The following TMEM232 variants were observed in gnomAD, a reference collection of about 807,000 sequenced individuals.
TMEM232 encodes the protein transmembrane protein 232.
In TMEM232, 80 loss-of-function variants were observed where a neutral mutation model predicts 78.8. The ratio of observed to expected loss-of-function variants is 1.01; its 90% confidence interval spans 0.85 to 1.22. The LOEUF is 1.22. Among genes scored for constraint, TMEM232 ranks in the 50% most tolerant of loss-of-function variants. TMEM232 has a pLI of 0.00. For synonymous variants in TMEM232, 297 were observed against 254.3 expected (o/e 1.17, Z -1.60); for missense variants, 881 against 742.2 (o/e 1.19, Z -2.17).
At chr5:110,446,057 G>A (rs554224142) in intron 12 of TMEM232, among the ~76,000 whole-genome samples, 1 of 152,300 alleles carries the variant, frequency 6.6e-6, no homozygotes, top group African/African-American at 2.4e-5. Flanking sequence ...CTTAGAGGCT[G>A]CCTTCCATAG....
intron 12 of TMEM232, among the ~76,000 whole-genome samples, chr5:110,525,483 C>A (rs1449227398): frequency 6.6e-6 from 1 of 151,708 alleles, no homozygotes; most frequent in Non-Finnish European, 1.5e-5. Flanking sequence ...TATAAATAAA[C>A]ATAAGAAAAA....
At chr5:110,502,444 C>G (rs941227061) in intron 12 of TMEM232, among the ~76,000 whole-genome samples, 1 of 152,164 alleles carries the variant, frequency 6.6e-6, no homozygotes. Flanking sequence ...TTTTCAAGAC[C>G]AGTTTTAAAT....
chr5:110,679,869 G>T (rs1188448277), intron 1 of TMEM232, among the ~76,000 whole-genome samples: 1 of 151,840 alleles, frequency 6.6e-6, no homozygotes, highest in Non-Finnish European at 1.5e-5. Flanking sequence ...TTTGATTTTT[G>T]GCTGTCTTTT....
At position 110,667,220 on chromosome 5, in the gene TMEM232, T is replaced by C. The variant is rs1042276795; in HGVS notation, c.125+8A>G. The C allele has an allele frequency of 7.2e-6, 11 of 1,537,720 alleles. No individual in the cohort carries two copies. The East Asian group carries it at 2.2e-4, about 31-fold the overall frequency. ...ACATATGGGTCCTATAATTATTTTC[T>C]AGCTTACCTTGATTTATGACCCCTT... On this transcript the variant is annotated splice_region_variant and intron_variant, in intron 2 of 13. Transcript: ENST00000455884.
chr5:110,558,245 G>A (rs1775333689), intron 11 of TMEM232, among the ~76,000 whole-genome samples: 1 of 152,116 alleles, frequency 6.6e-6, no homozygotes, highest in South Asian at 2.1e-4. Context: ...CTTCATTGGG[G>A]TGGTAGCAGT....
intron 12 of TMEM232, among the ~76,000 whole-genome samples, chr5:110,522,144 T>C (rs548923883): frequency 6.6e-6 from 1 of 151,576 alleles, no homozygotes; most frequent in Non-Finnish European, 1.5e-5. Flanking sequence ...ACATCCTTAT[T>C]TAAGTTTATT....
intron 12 of TMEM232, among the ~76,000 whole-genome samples, chr5:110,490,144 A>AGAAAGAAAG (rs1319888011): frequency 1.6e-5 from 2 of 125,874 alleles, no homozygotes; most frequent in Admixed American, 7.5e-5. Context: ...AAAGAAAGAA[A>AGAAAGAAAG]GAAAGAAAGA....
chr5:110,636,066 T>C (rs1345782591), intron 5 of TMEM232, among the ~76,000 whole-genome samples: 3 of 152,018 alleles, frequency 2.0e-5, no homozygotes, highest in Non-Finnish European at 4.4e-5. Flanking sequence ...ATATACACAA[T>C]GCAATACAAT....
In TMEM232 at chr5:110,582,724, T is replaced by C. The variant is rs138376017; in HGVS notation, c.1277-14099A>G. Among the ~76,000 whole-genome samples the C allele has an allele frequency of 1.7e-3, 260 of 152,046 alleles. 1 individual carries two copies. Among genetic ancestry groups the C allele is most frequent in the Non-Finnish European group, 3.2e-3 (220 of 67,904 alleles). On this transcript the variant is annotated intron_variant, in intron 10 of 13. Transcript: ENST00000455884. ...AGACAGGAAGAAGTGAAAGTATCTC[T>C]GTTTGCAGACGACATAATCTTATAT...
intron 12 of TMEM232, among the ~76,000 whole-genome samples, chr5:110,488,785 G>A (rs930843997): frequency 6.6e-6 from 1 of 151,880 alleles, no homozygotes; most frequent in African/African-American, 2.4e-5. Flanking sequence ...TTCTTTGAAA[G>A]ATCAGCAAAA....
chr5:110,402,080 C>G (rs997016502), intron 2 of TMEM232, among the ~76,000 whole-genome samples: 1 of 151,960 alleles, frequency 6.6e-6, no homozygotes, highest in Non-Finnish European at 1.5e-5. Context: ...ACCAAAGAGG[C>G]TGAAGAAGAA....
Position 110,618,567 on chromosome 5 carries a change from T to C in TMEM232, c.769-5A>G, listed in dbSNP as rs1783231607. The C allele has an allele frequency of 6.5e-7, 1 of 1,538,228 alleles. No homozygotes were observed. The highest frequency in any genetic ancestry group is 1.4e-5 in the African/African-American group (1 of 72,292). On this transcript the variant is annotated splice_region_variant and splice_polypyrimidine_tract_variant and intron_variant, in intron 7 of 13. Transcript: ENST00000455884. ...GTGGTTAATTTCATATCCTCCCTGA[T>C]TAAATTGCAAATGTTTCAGGAATTA...
chr5:110,673,665 G>T (rs1426996028), intron 1 of TMEM232, among the ~76,000 whole-genome samples: 1 of 152,126 alleles, frequency 6.6e-6, no homozygotes, highest in Non-Finnish European at 1.5e-5. Context: ...GCTGCTTTTT[G>T]ATTTGGCTCA....
At chr5:110,521,136 TC>T (rs751032558) in intron 12 of TMEM232, among the ~76,000 whole-genome samples, 22 of 152,100 alleles carry the variant, frequency 1.4e-4, no homozygotes, top group Non-Finnish European at 2.9e-4. Context: ...GGGCACTGAT[TC>T]TTTTCTATGT....
chr5:110,729,037 A>C (rs1188858418), upstream of TMEM232, among the ~76,000 whole-genome samples: 2 of 151,892 alleles, frequency 1.3e-5, no homozygotes, highest in East Asian at 3.9e-4. Flanking sequence ...GGCGCCTGCC[A>C]CCACGCCTGG....
At chr5:110,618,356 T>G in intron 8 of TMEM232, 73 bp downstream of exon 8, 1 of 1,523,082 alleles carries the variant, frequency 6.6e-7, no homozygotes, top group Non-Finnish European at 8.8e-7. Context: ...AACATTTAGG[T>G]ACAAGGGTTA....
At chr5:110,668,694 C>A (rs988362833) in intron 1 of TMEM232, among the ~76,000 whole-genome samples, 5 of 152,156 alleles carry the variant, frequency 3.3e-5, no homozygotes, top group Non-Finnish European at 5.9e-5. Context: ...AGCACCACAT[C>A]GCACTTATTC....
intron 11 of TMEM232, among the ~76,000 whole-genome samples, chr5:110,533,314 G>T (rs572362364): frequency 6.6e-6 from 1 of 152,134 alleles, no homozygotes; most frequent in Non-Finnish European, 1.5e-5. Context: ...CCTGCTGATC[G>T]TGTCCGATTA....
At chr5:110,669,322 C>A (rs1373455710) in intron 1 of TMEM232, among the ~76,000 whole-genome samples, 1 of 152,152 alleles carries the variant, frequency 6.6e-6, no homozygotes. Flanking sequence ...CACAGAAATA[C>A]AAACTACCAT....
Sources: allele counts gnomAD v4.1 joint callset (sites outside exome capture counted in the v4.1 genomes callset), GRCh38; gene constraint gnomAD v4.1.1; transcripts MANE v1.5; gene names NCBI Gene and HGNC (gene_info 2026-07-23, HGNC 2026-07-21).